Variants in EFCAB7 observed in about 807,000 individuals in gnomAD.
EFCAB7 encodes EF-hand calcium binding domain 7.
Under a neutral mutation model 77.1 loss-of-function variants are expected in EFCAB7, and 66 were observed. That is an observed-to-expected ratio of 0.86 (90% CI 0.70 to 1.05). The LOEUF (loss-of-function observed/expected upper bound fraction) is 1.05. Among genes scored for constraint, EFCAB7 ranks in the 50% least tolerant of loss-of-function variants. EFCAB7 has a pLI of 0.00. For synonymous variants in EFCAB7, 225 were observed against 243.3 expected (o/e 0.92, Z 0.70); for missense variants, 638 against 730.5 (o/e 0.87, Z 1.46).
At chr1:63,569,706 A>G (rs1647212757) in intron 12 of EFCAB7, 2 of 152,246 alleles carry the variant, frequency 1.3e-5, no homozygotes, top group South Asian at 4.1e-4. Flanking sequence ...TAAATAACAT[A>G]CAGAATGGAT....
At chr1:63,572,294 G>A (rs1057046822) in intron 13 of EFCAB7, 148 bp from the exon 14 acceptor site, 4 of 539,970 alleles carry the variant, frequency 7.4e-6, no homozygotes, top group Admixed American at 4.3e-5. Flanking sequence ...ATCATAGATT[G>A]CTAGTCTCTG....
Position 63,568,292 on chromosome 1 carries a change from AT to A in EFCAB7, c.1498-9del, listed in dbSNP as rs752861760. 6.7e-5 allele frequency: 105 copies of A among 1,563,426 alleles called. No individual in the cohort carries two copies. Among genetic ancestry groups the A allele is most frequent in the Admixed American group, 2.3e-4 (12 of 52,578 alleles). On this transcript the variant is annotated splice_polypyrimidine_tract_variant and intron_variant, in intron 11 of 13. Coordinates refer to ENST00000371088, the MANE Select transcript of EFCAB7 (RefSeq NM_032437.4). ...AATTCTATCAAAAGGCTGAAACAAGATTTTTTTTTCCTATCAGGCATGTCCA... is the reference window on the plus strand; with the variant it reads ...AATTCTATCAAAAGGCTGAAACAAGATTTTTTTTCCTATCAGGCATGTCCA...
At chr1:63,545,872 CATTT>C in intron 6 of EFCAB7, 40 bp from the exon 7 acceptor site, 2 of 1,549,012 alleles carry the variant, frequency 1.3e-6, no homozygotes, top group Non-Finnish European at 1.8e-6. Context: ...ATACTGGAAA[CATTT>C]AATAAATATT....
the EFCAB7 span, among the ~76,000 whole-genome samples, chr1:63,580,363 T>G: frequency 2.0e-5 from 3 of 152,174 alleles, no homozygotes; most frequent in Non-Finnish European, 2.9e-5. Context: ...TGTTGAAAAA[T>G]TCACTGGTCA....
At chr1:63,582,759 C>T in the EFCAB7 span, among the ~76,000 whole-genome samples, 1 of 152,154 alleles carries the variant, frequency 6.6e-6, no homozygotes, top group Non-Finnish European at 1.5e-5. Flanking sequence ...TGTATGCCAC[C>T]ATGCCCAGCT....
rs557011885 is a variant in EFCAB7 at position 63,530,809 on chromosome 1, G to A, written c.188-1011G>A. 1.3e-4 allele frequency among the ~76,000 whole-genome samples: 20 copies of A among 152,174 alleles called. No homozygotes were observed. In the South Asian group the frequency reaches 2.7e-3, roughly 21 times the overall value. On this transcript the variant is annotated intron_variant, in intron 2 of 13. Transcript: ENST00000371088. ...AGCAAAGATGAACATTTTAGATATC[G>A]TGCCTTATTGACATTGGTATTCTTA...
At chr1:63,576,388 G>A (rs141490219), downstream of EFCAB7, among the ~76,000 whole-genome samples, 1,913 of 152,276 alleles carry the variant, frequency 0.013, 41 homozygotes, top group African/African-American at 0.044. Context: ...ACTGAGGCAG[G>A]AGAATCGCTT....
Position 63,568,376 on chromosome 1 carries a change from G to C in EFCAB7, c.1564G>C (p.Glu522Gln). 6.3e-7 allele frequency: 1 copy of C among 1,591,398 alleles called. No individual in the cohort carries two copies. Among genetic ancestry groups the C allele is most frequent in the Non-Finnish European group, 8.5e-7 (1 of 1,172,054 alleles). ...CKPKIKAVHM[E>Q]ACSGQLEKAI... ...GCCAAAAATTAAAGCTGTCCATATG[G>C]AGGCATGTAGTGGACAACTTGAGAA... Residue 522 changes from glutamate to glutamine, a missense_variant, in exon 12 of 14, where the codon GAG becomes CAG. By Grantham distance (29) the Glu-to-Gln change is conservative (BLOSUM62 2). Coordinates refer to ENST00000371088, the MANE Select transcript of EFCAB7 (RefSeq NM_032437.4).
rs756311368 is a variant in EFCAB7, at chr1:63,532,772, T to C, written c.486+16T>C. The C allele has an allele frequency of 9.5e-6, 15 of 1,576,240 alleles. No homozygotes were observed. Among genetic ancestry groups the C allele is most frequent in the Admixed American group, 3.8e-5 (2 of 52,082 alleles). ...CTACATCAAGGTACATAAGCTCACA[T>C]TGATGTAAATTTACATACTGTGTTG... On this transcript the variant is annotated intron_variant, in intron 4 of 13. Transcript: ENST00000371088.
chr1:63,531,997 T>G lies in EFCAB7; in HGVS notation c.365T>G (p.Ile122Ser), dbSNP rs375436693. The G allele has an allele frequency of 6.8e-6, 11 of 1,611,448 alleles. No homozygotes were observed. In the African/African-American group the frequency reaches 1.5e-4, roughly 22 times the overall value. ...TTAGATGTAAATGATGATGGCTGTA[T>G]TTTACACACTGACCTTTATAAATTT... is the stretch of plus-strand genomic sequence containing the variant. ...KQLDVNDDGC[I>S]LHTDLYKFLT... Residue 122 changes from isoleucine to serine, a missense_variant, in exon 3 of 14, where the codon ATT becomes AGT. Physicochemically the swap from Ile to Ser is moderately radical, Grantham distance 142 (BLOSUM62 -2). Transcript: ENST00000371088.
intron 6 of EFCAB7, among the ~76,000 whole-genome samples, chr1:63,538,489 T>G (rs758560518): frequency 5.5e-4 from 83 of 152,086 alleles, no homozygotes; most frequent in Admixed American, 9.2e-4. Context: ...AGTCTCACTC[T>G]ATTGCCCAGG....
the EFCAB7 span, among the ~76,000 whole-genome samples, chr1:63,578,296 AAATT>A: frequency 3.9e-5 from 6 of 152,236 alleles, no homozygotes; most frequent in Non-Finnish European, 5.9e-5. Flanking sequence ...AATCATATAT[AAATT>A]GAGTCCCTAA....
chr1:63,546,474 C>T (rs964769258), intron 7 of EFCAB7, among the ~76,000 whole-genome samples: 1 of 152,018 alleles, frequency 6.6e-6, no homozygotes, highest in African/African-American at 2.4e-5. Flanking sequence ...AAGTGATTCT[C>T]CTGCCTCAGC....
chr1:63,536,253 C>T (rs561747156), intron 6 of EFCAB7, among the ~76,000 whole-genome samples: 12 of 152,268 alleles, frequency 7.9e-5, no homozygotes, highest in Non-Finnish European at 1.5e-4. Flanking sequence ...TGTTTCGGAT[C>T]TTGATATTGC....
At chr1:63,540,623 TAC>T (rs1374979369) in intron 6 of EFCAB7, among the ~76,000 whole-genome samples, 10 of 152,160 alleles carry the variant, frequency 6.6e-5, no homozygotes, top group Non-Finnish European at 1.0e-4. Context: ...AATTCATATC[TAC>T]CCCATACTGC....
intron 7 of EFCAB7, chr1:63,549,326 A>G (rs1428902418): frequency 8.5e-6 from 4 of 470,344 alleles, no homozygotes; most frequent in South Asian, 6.2e-5. Context: ...GTCTTTTGAA[A>G]GGTGTACTGC....
At chr1:63,552,479 A>G (rs921739360) in intron 8 of EFCAB7, among the ~76,000 whole-genome samples, 2 of 152,200 alleles carry the variant, frequency 1.3e-5, no homozygotes, top group Admixed American at 6.5e-5. Flanking sequence ...TACTACTGCA[A>G]AACAGAAAAA....
intron 6 of EFCAB7, chr1:63,536,824 C>G (rs1421989407): frequency 6.6e-6 from 1 of 152,040 alleles, no homozygotes; most frequent in African/African-American, 2.4e-5. Context: ...GTTTTATAAC[C>G]ATTCTGAAAA....
At chr1:63,546,608 T>C (rs1409121763) in intron 7 of EFCAB7, among the ~76,000 whole-genome samples, 1 of 152,168 alleles carries the variant, frequency 6.6e-6, no homozygotes, top group East Asian at 1.9e-4. Context: ...CCTCAGGTGA[T>C]CCACCCGCTT....
Sources: gnomAD v4.1 joint callset for allele counts (sites outside exome capture counted in the v4.1 genomes callset) on GRCh38, gnomAD v4.1.1 for gene constraint, MANE v1.5 for transcripts, NCBI Gene and HGNC (gene_info 2026-07-23, HGNC 2026-07-21) for gene names.